The following FER variants were observed in gnomAD, a reference collection of about 807,000 sequenced individuals.
FER encodes tyrosine-protein kinase Fer.
FER carries 63 observed loss-of-function variants against 111.0 expected under a neutral mutation model. The ratio of observed to expected loss-of-function variants is 0.57; its 90% confidence interval spans 0.46 to 0.70. FER has a LOEUF of 0.70. Among genes scored for constraint, FER ranks in the 30% least tolerant of loss-of-function variants. The pLI is 0.00. For missense variants in FER, 914 were observed against 954.0 expected (o/e 0.96, Z 0.55); for synonymous variants, 327 against 313.9 (o/e 1.04, Z -0.44).
rs966823403 is a variant in FER at position 109,113,833 on chromosome 5, A to G, written c.2048+13314A>G. ...CTCATGGATAATGATATTTAGTGGA[A>G]AAAGTAAATTTCCCTAATTTGCTCC... On this transcript the variant is annotated intron_variant, in intron 17 of 19. Coordinates refer to ENST00000281092, the MANE Select transcript of FER (RefSeq NM_005246.4). Among the ~76,000 whole-genome samples, 55 of 152,306 alleles carry G rather than the reference A, an allele frequency of 3.6e-4. 1 individual carries two copies. The highest frequency in any genetic ancestry group is 1.3e-3 in the African/African-American group (55 of 41,582).
intron 9 of FER, among the ~76,000 whole-genome samples, chr5:108,893,176 TTAAAG>T (rs1277083311): frequency 3.3e-5 from 5 of 152,152 alleles, no homozygotes; most frequent in African/African-American, 9.7e-5. Flanking sequence ...CATATGAACT[TTAAAG>T]TAGTTTTTTC....
intron 3 of FER, among the ~76,000 whole-genome samples, chr5:108,813,419 C>T (rs138220612): frequency 1.2e-4 from 19 of 152,178 alleles, no homozygotes; most frequent in Middle Eastern, 3.4e-3. Context: ...TGGGCTACTA[C>T]AGTTTTCATC....
chr5:108,817,757 A>T (rs1296040226), intron 3 of FER, among the ~76,000 whole-genome samples: 1 of 152,200 alleles, frequency 6.6e-6, no homozygotes, highest in Non-Finnish European at 1.5e-5. Context: ...TCAAATTTAG[A>T]GGGCAAGAAA....
intron 17 of FER, among the ~76,000 whole-genome samples, chr5:109,120,981 CT>C (rs1750889807): frequency 6.6e-6 from 1 of 151,878 alleles, no homozygotes; most frequent in South Asian, 2.1e-4. Context: ...TTTGTTAGTT[CT>C]CATAGTTTTT....
In FER at chr5:109,051,254, A is replaced by G. The variant is rs1772756733; in HGVS notation, c.1924+4056A>G. ...AAAATTAACACCTGGTGCACTTTCT[A>G]CAGCACCTTTTTTCTTCTCCACAAG... On this transcript the variant is annotated intron_variant, in intron 16 of 19. Transcript: ENST00000281092. 2.7e-5 allele frequency: 30 copies of G among 1,117,488 alleles called. 1 individual carries two copies. In the South Asian group the frequency reaches 3.8e-4, roughly 14 times the overall value. The allele number at this position is 1,117,488 out of a possible 1,614,324, so 69.2% of individuals were successfully genotyped here.
At chr5:108,976,198 T>C (rs1326483836) in intron 13 of FER, among the ~76,000 whole-genome samples, 1 of 152,192 alleles carries the variant, frequency 6.6e-6, no homozygotes, top group Non-Finnish European at 1.5e-5. Flanking sequence ...CTTTCACTCA[T>C]GTTGCTGCCT....
chr5:108,910,780 T>A (rs1380636478), intron 10 of FER, among the ~76,000 whole-genome samples: 2 of 152,214 alleles, frequency 1.3e-5, no homozygotes, highest in Admixed American at 6.5e-5. Context: ...TGATGGATCA[T>A]GGCCTCCAGC....
chr5:109,112,699 G>C (rs1001355830), intron 17 of FER, among the ~76,000 whole-genome samples: 21 of 152,184 alleles, frequency 1.4e-4, no homozygotes, highest in African/African-American at 4.8e-4. Flanking sequence ...TATGAGGAGA[G>C]AGGGGAATTA....
intron 16 of FER, among the ~76,000 whole-genome samples, chr5:109,059,550 A>G (rs529299167): frequency 5.1e-4 from 78 of 152,144 alleles, no homozygotes; most frequent in African/African-American, 1.8e-3. Context: ...ACAAAAAACA[A>G]TTATGGGATC....
intron 13 of FER, among the ~76,000 whole-genome samples, chr5:109,028,907 A>G (rs959788276): frequency 7.3e-6 from 1 of 137,754 alleles, no homozygotes; most frequent in Non-Finnish European, 1.6e-5. Flanking sequence ...ACCTGTTAAC[A>G]TGACCAGCCA....
intron 16 of FER, among the ~76,000 whole-genome samples, chr5:109,084,310 A>G (rs1216660787): frequency 6.6e-6 from 1 of 151,916 alleles, no homozygotes; most frequent in Non-Finnish European, 1.5e-5. Flanking sequence ...CCTTTTGCCC[A>G]TTTTTATTGT....
intron 2 of FER, chr5:108,782,665 A>G (rs923029983): frequency 6.6e-6 from 1 of 151,584 alleles, no homozygotes; most frequent in African/African-American, 2.4e-5. Context: ...TTTGGTAGAG[A>G]TGGGGTCGCG....
At chr5:108,846,828 C>G (rs1762078540) in intron 5 of FER, among the ~76,000 whole-genome samples, 1 of 152,132 alleles carries the variant, frequency 6.6e-6, no homozygotes, top group Non-Finnish European at 1.5e-5. Context: ...TGTGATCTTC[C>G]CGCCTCGGCC....
At chr5:109,109,805 C>G (rs921661753) in intron 17 of FER, among the ~76,000 whole-genome samples, 1 of 152,122 alleles carries the variant, frequency 6.6e-6, no homozygotes, top group Non-Finnish European at 1.5e-5. Context: ...TACCATGGTC[C>G]CCAGAGTTTC....
chr5:109,162,832 C>G (rs1206904287), intron 17 of FER, among the ~76,000 whole-genome samples: 1 of 152,032 alleles, frequency 6.6e-6, no homozygotes, highest in Admixed American at 6.6e-5. Flanking sequence ...TTGTAAGAAT[C>G]TTAAGGTGCC....
At chr5:109,115,871 T>C (rs758237701) in intron 17 of FER, among the ~76,000 whole-genome samples, 36 of 152,250 alleles carry the variant, frequency 2.4e-4, no homozygotes, top group Non-Finnish European at 3.8e-4. Context: ...CTCTCCTCCT[T>C]TTCTCAAGCC....
In FER at chr5:109,188,424, A is replaced by G. The variant is rs1402247502; in HGVS notation, c.*849A>G. 1 of 150,860 alleles carries G rather than the reference A, an allele frequency of 6.6e-6. No individual in the cohort carries two copies. The highest frequency in any genetic ancestry group is 1.9e-4 in the East Asian group (1 of 5,138). The allele number at this position is 150,860 out of a possible 1,614,324, so 9.3% of individuals were successfully genotyped here. A position where few individuals can be genotyped will look rare whatever the true frequency, so the allele number is the denominator to read the frequency against. On this transcript the variant is annotated 3_prime_UTR_variant, in exon 20 of 20. Transcript: ENST00000281092. Reference sequence around the variant, plus strand: ...AAGAAACACACACACAACGCATGAAACGTCGTCAAAGTTAGAGTTGAGGCA... The same window carrying G: ...AAGAAACACACACACAACGCATGAAGCGTCGTCAAAGTTAGAGTTGAGGCA...
intron 17 of FER, among the ~76,000 whole-genome samples, chr5:109,134,989 T>G (rs1352405884): frequency 2.0e-5 from 3 of 152,206 alleles, no homozygotes; most frequent in African/African-American, 4.8e-5. Context: ...TCACCAATAT[T>G]TCTTTAAAAC....
chr5:108,756,687 A>G (rs1751148148), intron 1 of FER, among the ~76,000 whole-genome samples: 1 of 152,164 alleles, frequency 6.6e-6, no homozygotes, highest in Admixed American at 6.5e-5. Flanking sequence ...ACAAGCATTT[A>G]TGTTGGGGAT....
Sources: allele counts gnomAD v4.1 joint callset (sites outside exome capture counted in the v4.1 genomes callset), GRCh38; gene constraint gnomAD v4.1.1; transcripts MANE v1.5; gene names NCBI Gene and HGNC (gene_info 2026-07-23, HGNC 2026-07-21).